AGBL4: variants seen among roughly 807,000 people sequenced by gnomAD.
AGBL4 encodes the protein cytosolic carboxypeptidase 6.
A neutral mutation model predicts 66.4 loss-of-function variants in AGBL4; 58 were observed. The ratio of observed to expected loss-of-function variants is 0.87; its 90% CI spans 0.71 to 1.09. AGBL4 has a LOEUF of 1.09. Among genes scored for constraint, AGBL4 ranks in the 50% least tolerant of loss-of-function variants. The pLI, the probability that AGBL4 is intolerant of heterozygous loss-of-function variation, is 0.00. For missense variants in AGBL4, 579 were observed against 631.0 expected, an observed-to-expected ratio of 0.92 and a Z score of 0.88; for synonymous variants, 234 against 222.9, an observed-to-expected ratio of 1.05 and a Z score of -0.44.
chr1:48,568,205 G>A (rs930929324), intron 11 of AGBL4, among the ~76,000 whole-genome samples: 1 of 152,018 alleles, frequency 6.6e-6, no homozygotes. Context: ...CTTAAGCAGG[G>A]AACATAAAAC....
At chr1:49,835,793 C>T (rs1645832236) in intron 2 of AGBL4, among the ~76,000 whole-genome samples, 1 of 152,122 alleles carries the variant, frequency 6.6e-6, no homozygotes. Context: ...TCAGCATTTG[C>T]TTATCTGTAG....
At chr1:49,604,757 C>G (rs1280941448) in intron 3 of AGBL4, among the ~76,000 whole-genome samples, 2 of 152,036 alleles carry the variant, frequency 1.3e-5, no homozygotes, top group Non-Finnish European at 2.9e-5. Context: ...TCTCTCTCCC[C>G]CATTTCCCTC....
chr1:48,693,548 G>A (rs953597935), intron 6 of AGBL4, among the ~76,000 whole-genome samples: 9 of 152,228 alleles, frequency 5.9e-5, no homozygotes, highest in East Asian at 1.9e-4. Context: ...GCGTGCTTTC[G>A]TGCAAGGCAG....
intron 5 of AGBL4, among the ~76,000 whole-genome samples, chr1:49,009,494 T>C (rs1473812811): frequency 6.6e-6 from 1 of 151,300 alleles, no homozygotes; most frequent in Non-Finnish European, 1.5e-5. Flanking sequence ...TTCCAATCAA[T>C]AGAAAAAGAG....
intron 3 of AGBL4, among the ~76,000 whole-genome samples, chr1:49,580,925 A>T (rs1318539202): frequency 6.6e-6 from 1 of 152,004 alleles, no homozygotes; most frequent in Non-Finnish European, 1.5e-5. Context: ...AGACTTGAAA[A>T]TTTTCATCTA....
chr1:49,959,820 G>A (rs1010017876), intron 1 of AGBL4, among the ~76,000 whole-genome samples: 10 of 152,070 alleles, frequency 6.6e-5, no homozygotes, highest in African/African-American at 2.2e-4. Flanking sequence ...AGAAAATGTG[G>A]TACATATAAA....
intron 3 of AGBL4, among the ~76,000 whole-genome samples, chr1:49,522,489 G>T (rs1186024835): frequency 6.6e-6 from 1 of 151,968 alleles, no homozygotes; most frequent in East Asian, 1.9e-4. Context: ...ATATCTACCT[G>T]CCCTATTAGA....
At chr1:49,919,987 G>A (rs543087713) in intron 1 of AGBL4, among the ~76,000 whole-genome samples, 19 of 152,222 alleles carry the variant, frequency 1.2e-4, no homozygotes, top group South Asian at 4.1e-4. Flanking sequence ...AAGAAATGGG[G>A]AAAGGATTCC....
chr1:49,621,026 G>A (rs1645350382), intron 3 of AGBL4, among the ~76,000 whole-genome samples: 1 of 152,106 alleles, frequency 6.6e-6, no homozygotes, highest in Non-Finnish European at 1.5e-5. Context: ...GCACCAAAAT[G>A]ACATGTTTGC....
At chr1:48,998,220 A>G (rs1350959418) in intron 5 of AGBL4, among the ~76,000 whole-genome samples, 1 of 152,224 alleles carries the variant, frequency 6.6e-6, no homozygotes, top group Non-Finnish European at 1.5e-5. Context: ...AAGTGAAATG[A>G]TTTAAGGGCT....
chr1:49,028,627 TG>T (rs1182685489), intron 5 of AGBL4, among the ~76,000 whole-genome samples: 4 of 152,150 alleles, frequency 2.6e-5, no homozygotes, highest in African/African-American at 9.7e-5. Context: ...ATAGCTGACT[TG>T]TCAGCAGAAA....
At chr1:48,868,811 CCA>C (rs961950964) in intron 5 of AGBL4, among the ~76,000 whole-genome samples, 3 of 152,116 alleles carry the variant, frequency 2.0e-5, no homozygotes, top group African/African-American at 7.2e-5. Context: ...GGTAGAGAAC[CCA>C]CTACTTTTTT....
chr1:49,414,503 C>T (rs778016712), intron 3 of AGBL4, among the ~76,000 whole-genome samples: 32 of 152,004 alleles, frequency 2.1e-4, no homozygotes, highest in Non-Finnish European at 3.8e-4. Context: ...TGATGGACAC[C>T]GGTTTTGAGA....
intron 4 of AGBL4, among the ~76,000 whole-genome samples, chr1:49,231,280 G>A (rs983991447): frequency 6.6e-6 from 1 of 152,170 alleles, no homozygotes; most frequent in Non-Finnish European, 1.5e-5. Flanking sequence ...TTCATAAAGA[G>A]GGATCAGGAA....
At chr1:48,914,298 A>T (rs1174404015) in intron 5 of AGBL4, among the ~76,000 whole-genome samples, 1 of 152,214 alleles carries the variant, frequency 6.6e-6, no homozygotes, top group Non-Finnish European at 1.5e-5. Context: ...TAGTGTTTCC[A>T]GATGAAGAGG....
intron 6 of AGBL4, chr1:48,727,613 G>A (rs1647376713): frequency 3.9e-6 from 1 of 256,946 alleles, no homozygotes; most frequent in Non-Finnish European, 7.4e-6. Context: ...CCCCAGTCAA[G>A]TGACAGGCAA....
intron 8 of AGBL4, among the ~76,000 whole-genome samples, chr1:48,651,752 C>T (rs540966154): frequency 5.3e-5 from 8 of 152,300 alleles, no homozygotes; most frequent in Non-Finnish European, 1.0e-4. Context: ...TCTTGGAAAG[C>T]AGTAAACCAA....
intron 2 of AGBL4, among the ~76,000 whole-genome samples, chr1:49,713,032 CAAGTAA>C (rs1647794113): frequency 6.6e-6 from 1 of 151,880 alleles, no homozygotes; most frequent in Non-Finnish European, 1.5e-5. Flanking sequence ...GTTATGTCTT[CAAGTAA>C]AAGTAACGTA....
intron 3 of AGBL4, among the ~76,000 whole-genome samples, chr1:49,648,166 T>C (rs1645928868): frequency 1.3e-5 from 2 of 151,998 alleles, no homozygotes; most frequent in East Asian, 3.8e-4. Flanking sequence ...ATAAAAACTT[T>C]AAGAAAGAAC....
Sources: allele counts gnomAD v4.1 joint callset (sites outside exome capture counted in the v4.1 genomes callset), GRCh38; gene constraint gnomAD v4.1.1; transcripts MANE v1.5; gene names NCBI Gene and HGNC (gene_info 2026-07-23, HGNC 2026-07-21).